The following EPHA7 variants were observed in gnomAD, a reference collection of about 807,000 sequenced individuals.
The protein encoded by EPHA7 is ephrin type-A receptor 7.
Under a neutral mutation model 112.6 loss-of-function variants are expected in EPHA7, and 25 were observed. That is an observed-to-expected ratio of 0.22 (90% confidence interval 0.16 to 0.31). The LOEUF is 0.31. Among genes scored for constraint, EPHA7 ranks in the 10% least tolerant of loss-of-function variants. The pLI is 1.00. For synonymous variants in EPHA7, 437 were observed against 406.5 expected (o/e 1.07, Z -0.90); for missense variants, 962 against 1,212.6 (o/e 0.79, Z 3.07).
At chr6:93,403,829 C>T (rs912530571) in intron 3 of EPHA7, among the ~76,000 whole-genome samples, 10 of 151,856 alleles carry the variant, frequency 6.6e-5, no homozygotes, top group Admixed American at 1.3e-4. Context: ...AGAATGGTAC[C>T]GCCAGTAACC....
chr6:93,334,986 AC>A (rs1305668093), intron 5 of EPHA7, among the ~76,000 whole-genome samples: 1 of 152,066 alleles, frequency 6.6e-6, no homozygotes, highest in Admixed American at 6.6e-5. Context: ...GAAATAAATA[AC>A]CTAGAAGGCA....
intron 3 of EPHA7, among the ~76,000 whole-genome samples, chr6:93,395,577 A>T (rs1386925646): frequency 2.4e-5 from 2 of 84,812 alleles, no homozygotes; most frequent in Non-Finnish European, 5.1e-5. Context: ...TACTTATTTC[A>T]CACACACACA....
In EPHA7 at chr6:93,419,456, C is replaced by G; in HGVS notation, c.-115G>C. The G allele has an allele frequency of 1.3e-6, 1 of 764,936 alleles. No homozygotes were observed. The highest frequency in any genetic ancestry group is 1.8e-5 in the African/African-American group (1 of 56,178). The allele number at this position is 764,936 out of a possible 1,614,324, so 47.4% of individuals were successfully genotyped here. A position where few individuals can be genotyped will look rare whatever the true frequency, so the allele number is the denominator to read the frequency against. Reference sequence around the variant, plus strand: ...TGTGCTCCTTGCATCGATTCCCCTTCTCGGTCCCCGATCGGCTGCTCCACG... The same window carrying G: ...TGTGCTCCTTGCATCGATTCCCCTTGTCGGTCCCCGATCGGCTGCTCCACG... On this transcript the variant is annotated 5_prime_UTR_variant, in exon 1 of 17. Transcript: ENST00000369303.
chr6:93,357,550 G>A (rs1342382247), intron 4 of EPHA7, among the ~76,000 whole-genome samples: 1 of 152,082 alleles, frequency 6.6e-6, no homozygotes, highest in Non-Finnish European at 1.5e-5. Context: ...ACCAAGATGT[G>A]AGATTTGCTC....
chr6:93,331,570 T>C (rs2127903404), intron 5 of EPHA7, among the ~76,000 whole-genome samples: 1 of 151,646 alleles, frequency 6.6e-6, no homozygotes. Context: ...TTATTTCATG[T>C]ACACACATAA....
chr6:93,290,500 G>T (rs1362903624), intron 5 of EPHA7, among the ~76,000 whole-genome samples: 1 of 152,096 alleles, frequency 6.6e-6, no homozygotes, highest in Non-Finnish European at 1.5e-5. Context: ...TTAGCAATTT[G>T]CCAGGTCTAA....
chr6:93,295,984 TTTAA>T (rs1772641937), intron 5 of EPHA7, among the ~76,000 whole-genome samples: 1 of 151,904 alleles, frequency 6.6e-6, no homozygotes, highest in African/African-American at 2.4e-5. Context: ...CATATTCATA[TTTAA>T]TTAATAAATT....
intron 3 of EPHA7, among the ~76,000 whole-genome samples, chr6:93,391,945 T>A (rs1024122421): frequency 6.6e-6 from 1 of 151,986 alleles, no homozygotes; most frequent in Non-Finnish European, 1.5e-5. Flanking sequence ...ATAGTGTTAA[T>A]TCTTTGGAGC....
chr6:93,320,495 A>G (rs1474623051), intron 5 of EPHA7, among the ~76,000 whole-genome samples: 1 of 151,990 alleles, frequency 6.6e-6, no homozygotes, highest in Non-Finnish European at 1.5e-5. Flanking sequence ...TTGTAGTGCA[A>G]TTTTACTTCA....
intron 16 of EPHA7, among the ~76,000 whole-genome samples, chr6:93,244,761 C>T (rs1251605884): frequency 6.6e-6 from 1 of 152,054 alleles, no homozygotes; most frequent in Non-Finnish European, 1.5e-5. Context: ...CTGAATTAAG[C>T]TTCTTTTGAT....
At chr6:93,286,939 A>T (rs908118465) in intron 5 of EPHA7, among the ~76,000 whole-genome samples, 6 of 152,176 alleles carry the variant, frequency 3.9e-5, no homozygotes, top group Admixed American at 1.3e-4. Flanking sequence ...AACTAGCATG[A>T]ATATAGTACT....
At chr6:93,258,341 T>C (rs1770536226) in intron 10 of EPHA7, 57 bp from the exon 11 acceptor site, 2 of 1,419,896 alleles carry the variant, frequency 1.4e-6, no homozygotes, top group East Asian at 4.6e-5. Context: ...AATTTTCTTT[T>C]AAGAGTAAAT....
chr6:93,400,810 T>G (rs764481334), intron 3 of EPHA7, among the ~76,000 whole-genome samples: 5 of 152,096 alleles, frequency 3.3e-5, no homozygotes, highest in Non-Finnish European at 5.9e-5. Flanking sequence ...ACTGCTGGGA[T>G]TACAGGCATC....
chr6:93,257,589 C>T (rs912158082), intron 11 of EPHA7, 66 bp from the exon 12 acceptor site: 4 of 1,034,882 alleles, frequency 3.9e-6, no homozygotes, highest in Admixed American at 4.1e-5. Flanking sequence ...CCTTTCTCAT[C>T]CCCCAATAAA....
At chr6:93,348,865 T>C (rs1405372890) in intron 5 of EPHA7, among the ~76,000 whole-genome samples, 1 of 138,784 alleles carries the variant, frequency 7.2e-6, no homozygotes, top group Non-Finnish European at 1.6e-5. Flanking sequence ...GGCTAGAGAG[T>C]ATGATCAAAG....
At chr6:93,251,574 A>G (rs1770213813) in intron 14 of EPHA7, among the ~76,000 whole-genome samples, 1 of 151,006 alleles carries the variant, frequency 6.6e-6, no homozygotes, top group Non-Finnish European at 1.5e-5. Flanking sequence ...TTTTTCTTAT[A>G]TTACAATACA....
chr6:93,383,019 A>G (rs1777418623), intron 3 of EPHA7, among the ~76,000 whole-genome samples: 1 of 152,064 alleles, frequency 6.6e-6, no homozygotes, highest in South Asian at 2.1e-4. Flanking sequence ...CTGTTTTAAG[A>G]GCCCGATGTT....
intron 2 of EPHA7, among the ~76,000 whole-genome samples, chr6:93,412,776 G>A (rs1383785246): frequency 1.3e-5 from 2 of 151,920 alleles, no homozygotes; most frequent in Non-Finnish European, 2.9e-5. Flanking sequence ...AAAGATAAAT[G>A]TGCTCCTTTT....
At chr6:93,316,255 T>C (rs1773805898) in intron 5 of EPHA7, among the ~76,000 whole-genome samples, 1 of 152,168 alleles carries the variant, frequency 6.6e-6, no homozygotes, top group Non-Finnish European at 1.5e-5. Context: ...ATGTAGGAGA[T>C]TATTTATGTT....
Sources: gnomAD v4.1 joint callset for allele counts (sites outside exome capture counted in the v4.1 genomes callset) on GRCh38, gnomAD v4.1.1 for gene constraint, MANE v1.5 for transcripts, NCBI Gene and HGNC (gene_info 2026-07-23, HGNC 2026-07-21) for gene names.